The following MYLK variants were observed in gnomAD, a reference collection of about 807,000 sequenced individuals.
MYLK encodes myosin light chain kinase, smooth muscle.
MYLK carries 106 observed loss-of-function variants against 203.4 expected under a neutral mutation model. The ratio of observed to expected loss-of-function variants is 0.52; its 90% CI spans 0.45 to 0.61. The LOEUF is 0.61. Ranked by LOEUF, MYLK falls within the 20% of genes least tolerant of loss-of-function variation. MYLK has a pLI of 0.00. For missense variants in MYLK, 2,072 were observed against 2,442.3 expected, an observed-to-expected ratio of 0.85 and a Z score of 3.20; for synonymous variants, 867 against 959.5, an observed-to-expected ratio of 0.90 and a Z score of 1.78.
At position 123,676,898 on chromosome 3, in the gene MYLK, C is replaced by T. The variant is rs561719228; in HGVS notation, c.3652+5326G>A. On this transcript the variant is annotated intron_variant, in intron 20 of 33. Coordinates refer to ENST00000360304, the MANE Select transcript of MYLK (RefSeq NM_053025.4). ...AAAGACCATCAGCTTATATAGACTG[C>T]TAGGAGGAACTCCCAGAGTCTGGTA... is the stretch of plus-strand genomic sequence containing the variant. 1.3e-3 allele frequency among the ~76,000 whole-genome samples: 203 copies of T among 152,334 alleles called. 1 individual carries two copies. The highest frequency in any genetic ancestry group is 3.9e-3 in the African/African-American group (163 of 41,584).
chr3:123,819,393 G>A (rs74751497), intron 3 of MYLK, among the ~76,000 whole-genome samples: 1 of 152,138 alleles, frequency 6.6e-6, no homozygotes, highest in South Asian at 2.1e-4. Context: ...GTGGGGGTTG[G>A]AGCTCAAAGA....
chr3:123,785,659 C>A (rs1041183227), intron 4 of MYLK, among the ~76,000 whole-genome samples: 1 of 152,136 alleles, frequency 6.6e-6, no homozygotes, highest in Non-Finnish European at 1.5e-5. Context: ...TAGTGATATA[C>A]AGTATGGGAA....
chr3:123,699,934 CAG>C (rs1230409345), intron 18 of MYLK, 84 bp downstream of exon 18: 3 of 1,586,366 alleles, frequency 1.9e-6, no homozygotes, highest in Non-Finnish European at 1.7e-6. Context: ...GGGCTGCTAA[CAG>C]GGGTCAGCGA....
chr3:123,649,993 C>G (rs2059153961), intron 24 of MYLK, among the ~76,000 whole-genome samples: 1 of 152,200 alleles, frequency 6.6e-6, no homozygotes, highest in Non-Finnish European at 1.5e-5. Context: ...GGGACACAGT[C>G]ATGCCAGCTG....
intron 4 of MYLK, among the ~76,000 whole-genome samples, chr3:123,783,423 C>G (rs1412147837): frequency 6.6e-6 from 1 of 152,098 alleles, no homozygotes; most frequent in East Asian, 1.9e-4. Flanking sequence ...TGTTTAAATG[C>G]CAGCAGAGTT....
At chr3:123,815,715 C>A (rs1216958261) in intron 3 of MYLK, among the ~76,000 whole-genome samples, 11 of 152,186 alleles carry the variant, frequency 7.2e-5, no homozygotes, top group Non-Finnish European at 1.6e-4. Flanking sequence ...AAAATGAGGA[C>A]AACATGGGGA....
At chr3:123,828,096 G>GA (rs896084843) in intron 3 of MYLK, among the ~76,000 whole-genome samples, 5 of 151,244 alleles carry the variant, frequency 3.3e-5, no homozygotes, top group East Asian at 1.9e-4. Flanking sequence ...CACATAAATA[G>GA]AAAAAAAATC....
chr3:123,633,447 T>TA (rs1305728508), intron 29 of MYLK, among the ~76,000 whole-genome samples: 6 of 152,190 alleles, frequency 3.9e-5, no homozygotes, highest in African/African-American at 1.2e-4. Context: ...CATTATTTGT[T>TA]AAAAAAATCA....
intron 21 of MYLK, 60 bp from the exon 22 acceptor site, chr3:123,666,406 T>C: frequency 5.0e-6 from 8 of 1,610,722 alleles, no homozygotes; most frequent in Non-Finnish European, 6.8e-6. Context: ...TCTGATCACA[T>C]TCGACGCCAT....
chr3:123,841,132 A>G (rs2066582618), intron 2 of MYLK, among the ~76,000 whole-genome samples: 2 of 152,136 alleles, frequency 1.3e-5, no homozygotes, highest in Non-Finnish European at 2.9e-5. Flanking sequence ...CTCTGGACAA[A>G]GGCAGCAGCT....
At chr3:123,674,465 G>A (rs558880868) in intron 20 of MYLK, among the ~76,000 whole-genome samples, 14 of 152,262 alleles carry the variant, frequency 9.2e-5, no homozygotes, top group East Asian at 3.9e-4. Context: ...CTCATCTTAC[G>A]AGGTCTTTGA....
chr3:123,623,900 T>C (rs1347844389), intron 31 of MYLK: 1 of 152,202 alleles, frequency 6.6e-6, no homozygotes, highest in South Asian at 2.1e-4. Flanking sequence ...TGCAATTTTG[T>C]GGAAAAATCA....
intron 3 of MYLK, among the ~76,000 whole-genome samples, chr3:123,811,117 A>C (rs540874892): frequency 6.6e-6 from 1 of 152,350 alleles, no homozygotes; most frequent in East Asian, 1.9e-4. Context: ...AGCACAGCCC[A>C]TCAGCAGGAA....
chr3:123,839,442 A>T (rs2682201), intron 2 of MYLK, among the ~76,000 whole-genome samples: 42 of 152,122 alleles, frequency 2.8e-4, no homozygotes, highest in South Asian at 1.0e-3. Context: ...TTTCAGGAAA[A>T]GGAATATTAC....
At chr3:123,717,642 C>A (rs2061942660) in intron 13 of MYLK, among the ~76,000 whole-genome samples, 1 of 152,160 alleles carries the variant, frequency 6.6e-6, no homozygotes, top group Admixed American at 6.5e-5. Flanking sequence ...AAGCCCCCAG[C>A]AATGACTCAG....
intron 2 of MYLK, among the ~76,000 whole-genome samples, chr3:123,835,156 G>T (rs147259176): frequency 7.9e-4 from 121 of 152,340 alleles, no homozygotes; most frequent in African/African-American, 2.7e-3. Flanking sequence ...CTGGGAACTT[G>T]TTAGAAATGC....
chr3:123,834,601 G>T (rs1037556891), intron 2 of MYLK, among the ~76,000 whole-genome samples: 3 of 151,934 alleles, frequency 2.0e-5, no homozygotes, highest in East Asian at 3.9e-4. Flanking sequence ...GATGCGCAGT[G>T]GGATTATTGA....
chr3:123,827,885 C>T (rs1055344257), intron 3 of MYLK, among the ~76,000 whole-genome samples: 6 of 149,442 alleles, frequency 4.0e-5, no homozygotes, highest in African/African-American at 7.4e-5. Context: ...AAAGCAAATC[C>T]GATTTACAAT....
chr3:123,786,955 G>A (rs2064557658), intron 4 of MYLK, among the ~76,000 whole-genome samples: 1 of 152,140 alleles, frequency 6.6e-6, no homozygotes, highest in South Asian at 2.1e-4. Context: ...GAGGGCTAAG[G>A]CAAATAACTT....
Sources: allele counts gnomAD v4.1 joint callset (sites outside exome capture counted in the v4.1 genomes callset), GRCh38; gene constraint gnomAD v4.1.1; transcripts MANE v1.5; gene names NCBI Gene and HGNC (gene_info 2026-07-23, HGNC 2026-07-21).